Variants in PCDHGA9 observed in about 807,000 individuals in gnomAD.
PCDHGA9 encodes protocadherin gamma subfamily A, 9, also known as protocadherin gamma-A9.
In PCDHGA9, 37 loss-of-function variants were observed where a neutral mutation model predicts 62.5. That is an observed-to-expected ratio of 0.59 (90% confidence interval 0.46 to 0.78). The LOEUF is 0.78. Ranked by LOEUF, PCDHGA9 falls within the 30% of genes least tolerant of loss-of-function variation. PCDHGA9 has a pLI of 0.00. For synonymous variants in PCDHGA9, 459 were observed against 484.6 expected (o/e 0.95, Z 0.69); for missense variants, 1,138 against 1,166.2 (o/e 0.98, Z 0.35).
intron 1 of PCDHGA9, chr5:141,441,894 G>T: frequency 2.9e-6 from 1 of 347,862 alleles, no homozygotes; most frequent in Non-Finnish European, 5.6e-6. Context: ...CCAAGGTGGT[G>T]GCTGTAGACG....
intron 1 of PCDHGA9, chr5:141,413,097 C>T (rs531228946): frequency 1.4e-6 from 2 of 1,447,922 alleles, no homozygotes; most frequent in African/African-American, 1.4e-5. Flanking sequence ...CACCCTGAAG[C>T]CACAGAAAGA....
chr5:141,415,270 G>A (rs1044469814), intron 1 of PCDHGA9: 1 of 1,614,118 alleles, frequency 6.2e-7, no homozygotes, highest in Non-Finnish European at 8.5e-7. Flanking sequence ...GTACCTGGTG[G>A]TAGCGGTGGC....
In PCDHGA9 at chr5:141,485,985, T is replaced by C. The variant is rs748867624; in HGVS notation, c.2425-8822T>C. 5.6e-6 allele frequency: 9 copies of C among 1,614,086 alleles called. No homozygotes were observed. Among genetic ancestry groups the C allele is most frequent in the South Asian group, 5.5e-5 (5 of 91,094 alleles). On this transcript the variant is annotated intron_variant, in intron 1 of 3. Coordinates refer to ENST00000573521, the MANE Select transcript of PCDHGA9 (RefSeq NM_018921.3). The surrounding 1 kb of genome is among the most constrained non-coding windows in gnomAD (Gnocchi z 5.7). ...CAGCTCAATGCCTCAGACCCGGACC[T>C]GGGTCCCAGTGGTAACGTCACCTTT...
chr5:141,441,631 C>A, intron 1 of PCDHGA9: 2 of 226,308 alleles, frequency 8.8e-6, no homozygotes, highest in Non-Finnish European at 1.8e-5. Context: ...GACCTGGAGC[C>A]ACAGGCGCTG....
intron 1 of PCDHGA9, chr5:141,419,208 C>G: frequency 5.6e-6 from 9 of 1,613,966 alleles, no homozygotes; most frequent in Non-Finnish European, 6.8e-6. Flanking sequence ...GACAACGCGC[C>G]GGTTTTCGGA....
intron 1 of PCDHGA9, chr5:141,409,822 C>A (rs983633484): frequency 6.2e-6 from 10 of 1,610,868 alleles, no homozygotes; most frequent in Non-Finnish European, 6.8e-6. Flanking sequence ...ACGGCTCGCC[C>A]ACGCTCAGCG....
chr5:141,420,519 A>G (rs1056198647), intron 1 of PCDHGA9: 1 of 387,066 alleles, frequency 2.6e-6, no homozygotes, highest in African/African-American at 2.1e-5. Flanking sequence ...GAAGTAAAAT[A>G]CCTTTCGGTT....
Position 141,490,611 on chromosome 5 carries a change from G to GCTTTA in PCDHGA9, c.2425-4194_2425-4190dup. On this transcript the variant is annotated intron_variant, in intron 1 of 3. Coordinates refer to ENST00000573521, the MANE Select transcript of PCDHGA9 (RefSeq NM_018921.3). The surrounding 1 kb of genome is among the most constrained non-coding windows in gnomAD (Gnocchi z 5.4). The stretch of plus-strand genomic sequence containing the variant: ...ACAATGCACCCCGCTTCAACCAGCA[G>GCTTTA]CTTTACACTGCTTACATCCTAGAAA... 6.2e-7 allele frequency: 1 copy of GCTTTA among 1,614,170 alleles called. No individual in the cohort carries two copies. Among genetic ancestry groups the GCTTTA allele is most frequent in the Non-Finnish European group, 8.5e-7 (1 of 1,180,036 alleles).
intron 1 of PCDHGA9, chr5:141,421,637 A>T: frequency 6.2e-7 from 1 of 1,613,810 alleles, no homozygotes; most frequent in Non-Finnish European, 8.5e-7. Flanking sequence ...TTCCAGGAGG[A>T]CGAAGTGGAG....
chr5:141,450,829 A>ATTTTTT (rs373424450), intron 1 of PCDHGA9, among the ~76,000 whole-genome samples: 1 of 135,126 alleles, frequency 7.4e-6, no homozygotes. Context: ...TATTATTATT[A>ATTTTTT]TTTTTTTTTT....
At chr5:141,500,223 T>G (rs1034982746) in intron 2 of PCDHGA9, among the ~76,000 whole-genome samples, 16 of 145,318 alleles carry the variant, frequency 1.1e-4, no homozygotes, top group African/African-American at 3.4e-4. Context: ...TTTATTTATT[T>G]ATTGATACGT....
At chr5:141,428,466 A>G (rs1230267635) in intron 1 of PCDHGA9, 1 of 344,756 alleles carries the variant, frequency 2.9e-6, no homozygotes, top group Admixed American at 4.1e-5. Context: ...ACAATGAGGG[A>G]ACTTTGCTTT....
In PCDHGA9 at chr5:141,491,927, G is replaced by A. The variant is rs1314503730; in HGVS notation, c.2425-2880G>A. 3 of 1,309,982 alleles carry A rather than the reference G, an allele frequency of 2.3e-6. No individual in the cohort carries two copies. In the African/African-American group the frequency reaches 4.5e-5, roughly 20 times the overall value. 81.1% of individuals were successfully genotyped at this position (1,309,982 alleles called of 1,614,324 possible). A position where few individuals can be genotyped will look rare whatever the true frequency, so the allele number is the denominator to read the frequency against. On this transcript the variant is annotated intron_variant, in intron 1 of 3. Coordinates refer to ENST00000573521, the MANE Select transcript of PCDHGA9 (RefSeq NM_018921.3). The surrounding 1 kb of genome is among the most constrained non-coding windows in gnomAD (Gnocchi z 6.9). ...GTGGTGGCGACTGTGGGCGAGGGGAGGTGGGACCGACCCCCACCCCTACAC... is the reference window on the plus strand; with the variant it reads ...GTGGTGGCGACTGTGGGCGAGGGGAAGTGGGACCGACCCCCACCCCTACAC...
In PCDHGA9 at chr5:141,403,018, G is replaced by A. The variant is rs752656852; in HGVS notation, c.66G>A (p.Met22Ile). Reference sequence around the variant, plus strand: ...TCCTGCTATGCTCGCTCCTGGGGATGCTATGGGAGGCCAGGGCCAGTCAGA... The same window carrying A: ...TCCTGCTATGCTCGCTCCTGGGGATACTATGGGAGGCCAGGGCCAGTCAGA... The part of the protein sequence containing the change: ...RLVLLCSLLG[M>I]LWEARASQIR... Residue 22 changes from methionine to isoleucine, a missense_variant, in exon 1 of 4, where the codon ATG (methionine) becomes ATA (isoleucine). Physicochemically the swap from Met to Ile is conservative, Grantham distance 10 (BLOSUM62 1). Transcript: ENST00000573521. 15 of 1,613,966 alleles carry A rather than the reference G, an allele frequency of 9.3e-6. No individual in the cohort carries two copies. The highest frequency in any genetic ancestry group is 1.1e-5 in the South Asian group (1 of 91,092).
intron 1 of PCDHGA9, chr5:141,420,307 A>G (rs2096487660): frequency 1.5e-5 from 22 of 1,459,622 alleles, no homozygotes; most frequent in Non-Finnish European, 1.8e-5. Flanking sequence ...AATCCTTTTT[A>G]TATTACAATA....
At chr5:141,494,758 T>A (rs370692038) in intron 1 of PCDHGA9, 49 bp from the exon 2 acceptor site, 2 of 1,613,800 alleles carry the variant, frequency 1.2e-6, no homozygotes, top group Admixed American at 3.3e-5. Context: ...CGGGTGACAT[T>A]CTAACTTCTC....
intron 1 of PCDHGA9, chr5:141,418,797 A>T (rs201246978): frequency 1.9e-6 from 3 of 1,613,896 alleles, no homozygotes; most frequent in Non-Finnish European, 2.5e-6. Flanking sequence ...GAAGAAGTAG[A>T]AAGATATACG....
intron 1 of PCDHGA9, among the ~76,000 whole-genome samples, chr5:141,425,919 G>C (rs11167745): frequency 0.3 from 45,848 of 152,124 alleles, 8,179 homozygotes; most frequent in African/African-American, 0.5. Context: ...CAGTCACTAC[G>C]AAAACTCATA....
chr5:141,498,312 T>C (rs2099783060), intron 2 of PCDHGA9, among the ~76,000 whole-genome samples: 1 of 151,714 alleles, frequency 6.6e-6, no homozygotes, highest in Non-Finnish European at 1.5e-5. Context: ...TCACACTGCC[T>C]ACACAGAAGG....
Sources: gnomAD v4.1 joint callset for allele counts (sites outside exome capture counted in the v4.1 genomes callset) on GRCh38, gnomAD v4.1.1 for gene constraint, Gnocchi (gnomAD v3.1) non-coding constraint, MANE v1.5 for transcripts, NCBI Gene and HGNC (gene_info 2026-07-23, HGNC 2026-07-21) for gene names.